RIC8A: variants seen among roughly 807,000 people sequenced by gnomAD.
RIC8A encodes chaperone Ric-8A.
A neutral mutation model predicts 48.4 loss-of-function variants in RIC8A; 37 were observed. The ratio of observed to expected loss-of-function variants is 0.77; its 90% CI spans 0.59 to 1.01. The LOEUF (loss-of-function observed/expected upper bound fraction) is 1.01. RIC8A is among the 50% of genes least tolerant of loss of function. The probability of loss-of-function intolerance (pLI) is 0.00; values close to 1 mark genes in which losing one functional copy is unlikely to be tolerated. For synonymous variants in RIC8A, 288 were observed against 283.4 expected, an observed-to-expected ratio of 1.02 and a Z score of -0.16; for missense variants, 681 against 696.8, an observed-to-expected ratio of 0.98 and a Z score of 0.25.
Position 212,920 on chromosome 11 carries a change from G to A in RIC8A, c.1294G>A (p.Glu432Lys), listed in dbSNP as rs372539478. ...GGGCCTCATGGCAGGAGGCCGGCCC[G>A]AGGGCCAGTACTCAGAGGATGAGGA... ...ARGLMAGGRPEGQYSEDEDTD... is the reference protein window; with the variant it reads ...ARGLMAGGRPKGQYSEDEDTD... Residue 432 changes from glutamate to lysine, a missense_variant, in exon 8 of 10, where the codon GAG (glutamate) becomes AAG (lysine). Coordinates refer to ENST00000526104, the MANE Select transcript of RIC8A (RefSeq NM_001286134.2). 4.4e-5 allele frequency: 70 copies of A among 1,601,742 alleles called. 1 individual carries two copies. The highest frequency in any genetic ancestry group is 2.4e-4 in the South Asian group (21 of 88,562).
chr11:209,789 C>T lies in RIC8A; in HGVS notation c.515C>T (p.Thr172Met). 1 of 1,614,040 alleles carries T rather than the reference C, an allele frequency of 6.2e-7. No individual in the cohort carries two copies. The highest frequency in any genetic ancestry group is 8.5e-7 in the Non-Finnish European group (1 of 1,180,042). Reference sequence around the variant, plus strand: ...GACTTGCGGCTCCTCTTCCTGCTAACGGCACTCCGCACCGATGTGCGCCAG... The same window carrying T: ...GACTTGCGGCTCCTCTTCCTGCTAATGGCACTCCGCACCGATGTGCGCCAG... ...FFDLRLLFLLTALRTDVRQQL... is the reference protein window; with the variant it reads ...FFDLRLLFLLMALRTDVRQQL... Residue 172 changes from threonine (T) to methionine (M), a missense_variant, in exon 3 of 10, where the codon ACG becomes ATG. Transcript: ENST00000526104.
intron 4 of RIC8A, chr11:210,950 G>T: frequency 1.6e-6 from 1 of 606,516 alleles, no homozygotes. Context: ...GAGATGGTCT[G>T]GCGCTTTGGC....
In RIC8A at chr11:209,695, G is replaced by T. The variant is rs147111532; in HGVS notation, c.421G>T (p.Val141Leu). 2 of 1,614,010 alleles carry T rather than the reference G, an allele frequency of 1.2e-6. No homozygotes were observed. Among genetic ancestry groups the T allele is most frequent in the Admixed American group, 1.7e-5 (1 of 60,034 alleles). Residue 141 changes from valine (V) to leucine (L), a missense_variant, in exon 3 of 10, where the codon GTG (valine) becomes TTG (leucine). Transcript: ENST00000526104. Reference sequence around the variant, plus strand: ...GATGCTGGCAGCAGAGGCCCGCCTAGTGGTGAAGCTCACAGAGCGTGTGGG... The same window carrying T: ...GATGCTGGCAGCAGAGGCCCGCCTATTGGTGAAGCTCACAGAGCGTGTGGG... The part of the protein sequence containing the change: ...AQMLAAEARL[V>L]VKLTERVGLY...
rs1283911271 is a variant in RIC8A at position 209,479 on chromosome 11, A to T, written c.205A>T (p.Ser69Cys). The T allele has an allele frequency of 3.1e-6, 5 of 1,609,360 alleles. No individual in the cohort carries two copies. The Admixed American group carries it at 8.3e-5, about 27-fold the overall frequency. Reference protein sequence around the residue: ...PPSHRVIWLQSVRILSRDRNC... With the variant: ...PPSHRVIWLQCVRILSRDRNC... Reference sequence around the variant, plus strand: ...CTCCCACCGTGTCATCTGGCTGCAGAGTGTCCGAATCCTGTCCCGGGACCG... The same window carrying T: ...CTCCCACCGTGTCATCTGGCTGCAGTGTGTCCGAATCCTGTCCCGGGACCG... Residue 69 changes from serine to cysteine, a missense_variant, in exon 3 of 10, where the codon AGT becomes TGT. Physicochemically the swap from Ser to Cys is moderately radical, Grantham distance 112 (BLOSUM62 -1). Transcript: ENST00000526104.
rs974866160 is a variant in RIC8A, at chr11:208,707, C to G, written c.-148C>G. ...CGCCCCCTTAAAGCGCCACCAGACG[C>G]TGCGCCCCGTTAAAGCGCCACCAGA... On this transcript the variant is annotated 5_prime_UTR_variant, in exon 1 of 10. Coordinates refer to ENST00000526104, the MANE Select transcript of RIC8A (RefSeq NM_001286134.2). This position sits in a 1 kb window ranked among gnomAD's most constrained non-coding sequence, Gnocchi z 4.8. 7 of 560,106 alleles carry G rather than the reference C, an allele frequency of 1.2e-5. No homozygotes were observed. The highest frequency in any genetic ancestry group is 1.5e-5 in the Non-Finnish European group (5 of 330,130). 34.7% of individuals were successfully genotyped at this position (560,106 alleles called of 1,614,324 possible).
chr11:212,179 A>G (rs1486787258), intron 5 of RIC8A: 2 of 532,206 alleles, frequency 3.8e-6, no homozygotes, highest in African/African-American at 3.8e-5. Flanking sequence ...CAAGTCACAA[A>G]GCTTACGAGT....
In RIC8A at chr11:214,502, C is replaced by T; in HGVS notation, c.*152C>T. The T allele has an allele frequency of 1.1e-6, 1 of 930,154 alleles. No homozygotes were observed. Among genetic ancestry groups the T allele is most frequent in the Non-Finnish European group, 1.7e-6 (1 of 593,774 alleles). The allele number at this position is 930,154 out of a possible 1,614,324, so 57.6% of individuals were successfully genotyped here. A position where few individuals can be genotyped will look rare whatever the true frequency, so the allele number is the denominator to read the frequency against. On this transcript the variant is annotated 3_prime_UTR_variant, in exon 10 of 10. Transcript: ENST00000526104. Reference sequence around the variant, plus strand: ...CCCTTCTCTTGACTCCCGTTCTGTTCATGATTTGCCTCTGGTCCAGTTTCT... The same window carrying T: ...CCCTTCTCTTGACTCCCGTTCTGTTTATGATTTGCCTCTGGTCCAGTTTCT...
chr11:210,355 G>T lies in RIC8A; in HGVS notation c.727-216G>T, dbSNP rs957650609. ...CCTAATCAGGGAAGTGCTCTTAGAAGAATACTCATGGAGTTTTTAGGAAGA... is the reference window on the plus strand; with the variant it reads ...CCTAATCAGGGAAGTGCTCTTAGAATAATACTCATGGAGTTTTTAGGAAGA... On this transcript the variant is annotated intron_variant, in intron 3 of 9. Transcript: ENST00000526104. The T allele has an allele frequency of 4.3e-6, 3 of 702,676 alleles. No homozygotes were observed. The African/African-American group carries it at 5.2e-5, about 12-fold the overall frequency. The allele number at this position is 702,676 out of a possible 1,614,324, so 43.5% of individuals were successfully genotyped here.
Position 214,229 on chromosome 11 carries a change from G to A in RIC8A, c.1476-1G>A. The A allele has an allele frequency of 6.2e-7, 1 of 1,613,546 alleles. No homozygotes were observed. On this transcript the variant is annotated splice_acceptor_variant, in intron 9 of 9. Coordinates refer to ENST00000526104, the MANE Select transcript of RIC8A (RefSeq NM_001286134.2). LOFTEE classifies it high-confidence loss of function. ...AGCCCCACTGCACCTTTCCCCAACA[G>A]GAACAGAGTCATCCAGCCAATGGGG...
At chr11:210,775 T>C in intron 4 of RIC8A, 113 bp downstream of exon 4, 1 of 942,058 alleles carries the variant, frequency 1.1e-6, no homozygotes, top group Non-Finnish European at 1.7e-6. Context: ...CCCTAGAGAG[T>C]CTGACGTTGT....
chr11:209,178 C>T (rs1855277683), intron 1 of RIC8A, 93 bp from the exon 2 acceptor site: 1 of 1,456,950 alleles, frequency 6.9e-7, no homozygotes. Context: ...TGAGCAGTGG[C>T]TGCTGCCTGA....
chr11:213,502 G>C (rs968005017), intron 9 of RIC8A, 84 bp downstream of exon 9: 3 of 1,526,424 alleles, frequency 2.0e-6, no homozygotes, highest in Non-Finnish European at 2.6e-6. Context: ...CAGGAGGTAG[G>C]ATCAGAGGAG....
intron 5 of RIC8A, 140 bp from the exon 6 acceptor site, chr11:212,276 A>T: frequency 1.3e-6 from 1 of 764,356 alleles, no homozygotes; most frequent in Non-Finnish European, 2.2e-6. Context: ...GACTAACTGC[A>T]GAGGGGCCTC....
chr11:208,784 C>A lies in RIC8A; in HGVS notation c.-71C>A. 3.0e-6 allele frequency: 4 copies of A among 1,330,200 alleles called. No individual in the cohort carries two copies. The highest frequency in any genetic ancestry group is 4.1e-6 in the Non-Finnish European group (4 of 965,698). 82.4% of individuals were successfully genotyped at this position (1,330,200 alleles called of 1,614,324 possible). On this transcript the variant is annotated 5_prime_UTR_variant, in exon 1 of 10. Coordinates refer to ENST00000526104, the MANE Select transcript of RIC8A (RefSeq NM_001286134.2). This position sits in a 1 kb window ranked among gnomAD's most constrained non-coding sequence, Gnocchi z 4.8. ...GCGCGCTGGCGCGGGGCTTTCTGGG[C>A]CAGGGCGGGGCCGGCGAACTGCGGC...
chr11:210,736 A>T, intron 4 of RIC8A, 74 bp downstream of exon 4: 1 of 1,371,502 alleles, frequency 7.3e-7, no homozygotes, highest in Non-Finnish European at 1.0e-6. Flanking sequence ...CCGGCTCTGA[A>T]CCAGAACCAC....
chr11:210,109 A>G, intron 3 of RIC8A, 109 bp downstream of exon 3: 2 of 960,470 alleles, frequency 2.1e-6, no homozygotes, highest in Non-Finnish European at 3.0e-6. Flanking sequence ...CATGGAGAGG[A>G]CAGGACCTCC....
chr11:213,044 C>T, intron 8 of RIC8A, 63 bp downstream of exon 8: 1 of 1,496,852 alleles, frequency 6.7e-7, no homozygotes. Flanking sequence ...GCTTCCACAC[C>T]CATGTGGACC....
chr11:211,487 G>A lies in RIC8A; in HGVS notation c.969+138G>A, dbSNP rs149828280. ...GTGGTGTGATATGGGCGACTCTTCC[G>A]GTTGTTCTGTGGTCCAGCCTGGCAA... On this transcript the variant is annotated intron_variant, in intron 5 of 9. Coordinates refer to ENST00000526104, the MANE Select transcript of RIC8A (RefSeq NM_001286134.2). The surrounding 1 kb of genome is among the most constrained non-coding windows in gnomAD (Gnocchi z 4.0). The A allele has an allele frequency of 6.8e-4, 652 of 956,362 alleles. 3 individuals are homozygous for A. The African/African-American group carries it at 8.0e-3, about 12-fold the overall frequency. 59.2% of individuals were successfully genotyped at this position (956,362 alleles called of 1,614,324 possible). A position where few individuals can be genotyped will look rare whatever the true frequency, so the allele number is the denominator to read the frequency against.
At chr11:210,025 A>C (rs752086290) in intron 3 of RIC8A, 25 bp downstream of exon 3, 2 of 1,544,802 alleles carry the variant, frequency 1.3e-6, no homozygotes, top group South Asian at 1.2e-5. Flanking sequence ...TAACCCATGG[A>C]TGGGTCTCAA....
Sources: allele counts gnomAD v4.1 joint callset, GRCh38; gene constraint gnomAD v4.1.1; non-coding constraint Gnocchi (gnomAD v3.1); transcripts MANE v1.5; gene names NCBI Gene and HGNC (gene_info 2026-07-23, HGNC 2026-07-21).